DPYSL2: variants seen among roughly 807,000 people sequenced by gnomAD.
DPYSL2 encodes the protein dihydropyrimidinase like 2.
A neutral mutation model predicts 69.9 loss-of-function variants in DPYSL2; 13 were observed. The observed-to-expected ratio is 0.19, with a 90% CI of 0.12 to 0.30. DPYSL2 has a LOEUF of 0.30. Ranked by LOEUF, DPYSL2 falls within the 10% of genes least tolerant of loss-of-function variation. The pLI is 1.00. For missense variants in DPYSL2, 587 were observed against 918.9 expected (o/e 0.64, Z 4.67); for synonymous variants, 326 against 359.1 (o/e 0.91, Z 1.04).
At chr8:26,521,863 C>A (rs1808390759) in intron 1 of DPYSL2, among the ~76,000 whole-genome samples, 1 of 152,176 alleles carries the variant, frequency 6.6e-6, no homozygotes, top group South Asian at 2.1e-4. Flanking sequence ...GTGCTTCCTT[C>A]CTTTTTAGGG....
chr8:26,616,312 C>A (rs1276278841), intron 3 of DPYSL2, among the ~76,000 whole-genome samples: 1 of 152,128 alleles, frequency 6.6e-6, no homozygotes, highest in African/African-American at 2.4e-5. Flanking sequence ...CCCACAAAGG[C>A]TCTTATCTCT....
intron 7 of DPYSL2, among the ~76,000 whole-genome samples, chr8:26,631,403 C>T (rs953474532): frequency 6.6e-6 from 1 of 152,142 alleles, no homozygotes; most frequent in Middle Eastern, 3.2e-3. Flanking sequence ...CTCGTGAGAA[C>T]TCACTCATTA....
chr8:26,627,629 G>T lies in DPYSL2; in HGVS notation c.937-243G>T, dbSNP rs1802649947. 6.6e-6 allele frequency among the ~76,000 whole-genome samples: 1 copy of T among 152,218 alleles called. No individual in the cohort carries two copies. The highest frequency in any genetic ancestry group is 2.1e-4 in the South Asian group (1 of 4,824). On this transcript the variant is annotated intron_variant, in intron 6 of 13. Transcript: ENST00000521913. This position sits in a 1 kb window ranked among gnomAD's most constrained non-coding sequence, Gnocchi z 6.9. The stretch of plus-strand genomic sequence containing the variant: ...GTGGCTGAGGGTTGCAAATGCACCA[G>T]TCGTCAGCATCCCAGGGAACAGCTG...
rs139155989 is a variant in DPYSL2 at position 26,638,913 on chromosome 8, G to A, written c.1126+4013G>A. Reference sequence around the variant, plus strand: ...CCCTCTGACCACATTTTGTCCATGTGTGAAATCCAGCATGACTGCTGATGC... The same window carrying A: ...CCCTCTGACCACATTTTGTCCATGTATGAAATCCAGCATGACTGCTGATGC... On this transcript the variant is annotated intron_variant, in intron 8 of 13. Transcript: ENST00000521913. Among the ~76,000 whole-genome samples the A allele has an allele frequency of 1.3e-4, 20 of 152,342 alleles. No homozygotes were observed. In the East Asian group the frequency reaches 3.7e-3, roughly 28 times the overall value.
At chr8:26,638,159 A>G (rs1398261583) in intron 8 of DPYSL2, 1 of 152,244 alleles carries the variant, frequency 6.6e-6, no homozygotes, top group African/African-American at 2.4e-5. Flanking sequence ...TACCAGGAAA[A>G]TAAATGGTCC....
chr8:26,567,152 C>G (rs1223890638), intron 1 of DPYSL2, among the ~76,000 whole-genome samples: 4 of 147,768 alleles, frequency 2.7e-5, no homozygotes, highest in Non-Finnish European at 6.1e-5. Flanking sequence ...ATACATACAT[C>G]TGCCCATCCA....
In DPYSL2 at chr8:26,614,568, C is replaced by G. The variant is rs1178965942; in HGVS notation, c.629-9575C>G. Among the ~76,000 whole-genome samples the G allele has an allele frequency of 6.6e-6, 1 of 152,186 alleles. No homozygotes were observed. The highest frequency in any genetic ancestry group is 1.5e-5 in the Non-Finnish European group (1 of 68,038). The stretch of plus-strand genomic sequence containing the variant: ...CTCCAAAGTTGGCCGATCACCAGAT[C>G]ACTTAAAGGAGGTTGTTTGTTTTAT... On this transcript the variant is annotated intron_variant, in intron 3 of 13. Coordinates refer to ENST00000521913, the MANE Select transcript of DPYSL2 (RefSeq NM_001197293.3). This position sits in a 1 kb window ranked among gnomAD's most constrained non-coding sequence, Gnocchi z 4.9.
chr8:26,634,739 T>C, intron 7 of DPYSL2, 41 bp from the exon 8 acceptor site: 1 of 1,569,234 alleles, frequency 6.4e-7, no homozygotes, highest in Non-Finnish European at 8.6e-7. Context: ...GCTCGTGGGG[T>C]GGGCTGAGCC....
In DPYSL2 at chr8:26,593,822, C is replaced by T. The variant is rs1267649590; in HGVS notation, c.628+9839C>T. On this transcript the variant is annotated intron_variant, in intron 3 of 13. Transcript: ENST00000521913. This position sits in a 1 kb window ranked among gnomAD's most constrained non-coding sequence, Gnocchi z 5.7. ...CTGTGCTGGTTTCCCTGAGAAAACC[C>T]TACTGTCTTTAGGTTGAATCTGTAG... Among the ~76,000 whole-genome samples the T allele has an allele frequency of 6.6e-6, 1 of 152,142 alleles. No individual in the cohort carries two copies. The highest frequency in any genetic ancestry group is 1.5e-5 in the Non-Finnish European group (1 of 68,024).
intron 1 of DPYSL2, among the ~76,000 whole-genome samples, chr8:26,567,167 TCCATCCATCCATCCAC>T (rs1351118324): frequency 0.013 from 1,957 of 150,590 alleles, 23 homozygotes; most frequent in Middle Eastern, 0.075. Context: ...CATCCATCCA[TCCATCCATCCATCCAC>T]CCATCCATCC....
intron 3 of DPYSL2, chr8:26,623,894 G>T: frequency 2.4e-6 from 1 of 421,466 alleles, no homozygotes; most frequent in South Asian, 3.4e-5. Flanking sequence ...AGGGGTTTTG[G>T]GAAATCAGAT....
intron 1 of DPYSL2, chr8:26,577,794 C>T (rs946589617): frequency 1.0e-6 from 1 of 992,278 alleles, no homozygotes; most frequent in Non-Finnish European, 1.2e-6. Flanking sequence ...CGCTCTCGCG[C>T]CGCGCCCCGC....
At chr8:26,578,236 A>T (rs768012686) in intron 1 of DPYSL2, 4 of 1,614,038 alleles carry the variant, frequency 2.5e-6, no homozygotes, top group Non-Finnish European at 2.5e-6. Flanking sequence ...CTTGAAATTA[A>T]TTTTTTCCCA....
At chr8:26,540,278 A>G (rs1429830395) in intron 1 of DPYSL2, among the ~76,000 whole-genome samples, 2 of 152,198 alleles carry the variant, frequency 1.3e-5, no homozygotes, top group Non-Finnish European at 2.9e-5. Flanking sequence ...AAGAAAAAAA[A>G]ATCGGTAAAC....
rs1307491700 is a variant in DPYSL2, at chr8:26,657,089, A to G, written c.*1383A>G. 2 of 152,214 alleles carry G rather than the reference A, an allele frequency of 1.3e-5. No individual in the cohort carries two copies. The highest frequency in any genetic ancestry group is 4.8e-5 in the African/African-American group (2 of 41,432). 9.4% of individuals were successfully genotyped at this position (152,214 alleles called of 1,614,324 possible). On this transcript the variant is annotated 3_prime_UTR_variant, in exon 14 of 14. Coordinates refer to ENST00000521913, the MANE Select transcript of DPYSL2 (RefSeq NM_001197293.3). ...ATTTTTTTCTTGTCCAATTATTTCT[A>G]AAGACACACTACATAGAAAGAGGCC...
chr8:26,519,102 G>C (rs1373750304), intron 1 of DPYSL2, among the ~76,000 whole-genome samples: 1 of 152,192 alleles, frequency 6.6e-6, no homozygotes, highest in African/African-American at 2.4e-5. Flanking sequence ...ATGTTATGTG[G>C]TTCACAAACT....
chr8:26,621,945 G>GA lies in DPYSL2; in HGVS notation c.629-2198_629-2197insA. ...GGGGAATGGCAGTGTTTGATGAAAGGTTTAAGATCCTTCTAGCTGCTTCTG... is the reference window on the plus strand; with the variant it reads ...GGGGAATGGCAGTGTTTGATGAAAGGATTTAAGATCCTTCTAGCTGCTTCTG... On this transcript the variant is annotated intron_variant, in intron 3 of 13. Transcript: ENST00000521913. This position sits in a 1 kb window ranked among gnomAD's most constrained non-coding sequence, Gnocchi z 4.9. Among the ~76,000 whole-genome samples the GA allele has an allele frequency of 6.6e-6, 1 of 152,344 alleles. No individual in the cohort carries two copies. Among genetic ancestry groups the GA allele is most frequent in the South Asian group, 2.1e-4 (1 of 4,828 alleles).
chr8:26,648,052 C>T lies in DPYSL2; in HGVS notation c.1596+252C>T, dbSNP rs1304057572. On this transcript the variant is annotated intron_variant, in intron 11 of 13. Transcript: ENST00000521913. The surrounding 1 kb of genome is among the most constrained non-coding windows in gnomAD (Gnocchi z 4.3). ...CTCTATCTATAGACCTTTAGAGCCT[C>T]TAAAGTGATGTCAGGATGTGCAAAG... is the stretch of plus-strand genomic sequence containing the variant. 6.6e-6 allele frequency among the ~76,000 whole-genome samples: 1 copy of T among 152,152 alleles called. No individual in the cohort carries two copies. Among genetic ancestry groups the T allele is most frequent in the Non-Finnish European group, 1.5e-5 (1 of 68,036 alleles).
At chr8:26,538,169 G>A (rs1274491392) in intron 1 of DPYSL2, among the ~76,000 whole-genome samples, 1 of 152,188 alleles carries the variant, frequency 6.6e-6, no homozygotes, top group Non-Finnish European at 1.5e-5. Flanking sequence ...TCGATTCACT[G>A]TAATGTCAAT....
Sources: allele counts gnomAD v4.1 joint callset (sites outside exome capture counted in the v4.1 genomes callset), GRCh38; gene constraint gnomAD v4.1.1; non-coding constraint Gnocchi (gnomAD v3.1); transcripts MANE v1.5; gene names NCBI Gene and HGNC (gene_info 2026-07-23, HGNC 2026-07-21).